NLGN1: variants seen among roughly 807,000 people sequenced by gnomAD.
NLGN1 encodes the protein neuroligin-1.
NLGN1 carries 12 observed loss-of-function variants against 65.5 expected under a neutral mutation model. That is an observed-to-expected ratio of 0.18 (90% CI 0.12 to 0.30). The LOEUF (loss-of-function observed/expected upper bound fraction) is 0.30, where lower values mean the gene tolerates loss of function less well. NLGN1 is among the 10% of genes least tolerant of loss of function. The pLI is 1.00. For synonymous variants in NLGN1, 350 were observed against 359.5 expected, an observed-to-expected ratio of 0.97 and a Z score of 0.30; for missense variants, 750 against 1,007.1, an observed-to-expected ratio of 0.74 and a Z score of 3.46.
chr3:174,233,522 A>T (rs1561350017), intron 4 of NLGN1, among the ~76,000 whole-genome samples: 1 of 129,652 alleles, frequency 7.7e-6, no homozygotes. Flanking sequence ...TAATAATATA[A>T]AAAATAAACA....
At chr3:173,451,682 C>T (rs1302857800) in intron 2 of NLGN1, among the ~76,000 whole-genome samples, 1 of 152,172 alleles carries the variant, frequency 6.6e-6, no homozygotes, top group Non-Finnish European at 1.5e-5. Flanking sequence ...GGCAGGCAGG[C>T]CTCCTTGAGC....
At position 173,960,436 on chromosome 3, in the gene NLGN1, A is replaced by G. The variant is rs187243691; in HGVS notation, c.646+152604A>G. Among the ~76,000 whole-genome samples, 12 of 152,032 alleles carry G rather than the reference A, an allele frequency of 7.9e-5. No homozygotes were observed. The East Asian group carries it at 1.7e-3, about 22-fold the overall frequency. On this transcript the variant is annotated intron_variant, in intron 4 of 6. Coordinates refer to ENST00000457714, the Ensembl canonical transcript of NLGN1. ...GAATTTTTGTTTCTCCTTTGCTCCA[A>G]TGTAACTTTGGGGAGTTCTTTTTCT...
intron 2 of NLGN1, among the ~76,000 whole-genome samples, chr3:173,463,661 T>A: frequency 6.6e-6 from 1 of 152,190 alleles, no homozygotes; most frequent in East Asian, 1.9e-4. Context: ...TCCCTCGGGA[T>A]TCCTGGTATC....
intron 4 of NLGN1, among the ~76,000 whole-genome samples, chr3:173,999,911 C>T (rs954488388): frequency 1.3e-4 from 20 of 151,092 alleles, no homozygotes; most frequent in African/African-American, 3.9e-4. Context: ...TTGCGTTAAA[C>T]AATGTAGTAA....
At chr3:173,969,851 A>G (rs909823042) in intron 4 of NLGN1, among the ~76,000 whole-genome samples, 5 of 152,092 alleles carry the variant, frequency 3.3e-5, no homozygotes, top group African/African-American at 4.8e-5. Context: ...GACTCATTCC[A>G]AGTAATTGCC....
At chr3:173,521,609 AT>A (rs1429457026) in intron 2 of NLGN1, among the ~76,000 whole-genome samples, 1 of 152,182 alleles carries the variant, frequency 6.6e-6, no homozygotes, top group African/African-American at 2.4e-5. Flanking sequence ...ATCTGCTCCC[AT>A]AGAAAGTTTG....
intron 4 of NLGN1, among the ~76,000 whole-genome samples, chr3:173,935,622 ACTCT>A (rs72137673): frequency 0.35 from 36,904 of 106,116 alleles, 4,997 homozygotes; most frequent in Non-Finnish European, 0.42. Context: ...ACACACACAC[ACTCT>A]CTCTCTCTCT....
chr3:174,252,112 T>A (rs1744877480), intron 4 of NLGN1, among the ~76,000 whole-genome samples: 1 of 152,154 alleles, frequency 6.6e-6, no homozygotes, highest in Non-Finnish European at 1.5e-5. Context: ...AATTTCTAGA[T>A]AAAATCAGCA....
intron 4 of NLGN1, among the ~76,000 whole-genome samples, chr3:173,997,700 G>A (rs1722542571): frequency 1.3e-5 from 2 of 152,168 alleles, no homozygotes; most frequent in South Asian, 4.2e-4. Context: ...TAAGGTTCCA[G>A]ATTATATTCT....
intron 4 of NLGN1, among the ~76,000 whole-genome samples, chr3:174,107,009 C>CAG (rs1394529884): frequency 7.6e-5 from 9 of 118,830 alleles, no homozygotes; most frequent in South Asian, 2.8e-4. Context: ...CACACACACA[C>CAG]ACACACACAG....
At chr3:174,060,497 T>G (rs1398872986) in intron 4 of NLGN1, among the ~76,000 whole-genome samples, 1 of 152,114 alleles carries the variant, frequency 6.6e-6, no homozygotes, top group Non-Finnish European at 1.5e-5. Flanking sequence ...AACTTTTCCC[T>G]TTCTTTGTCT....
intron 3 of NLGN1, among the ~76,000 whole-genome samples, chr3:173,664,153 C>A (rs1761373092): frequency 6.6e-6 from 1 of 152,108 alleles, no homozygotes; most frequent in Admixed American, 6.6e-5. Context: ...ATGCACATAT[C>A]TTAGCTAAAA....
At chr3:174,044,663 A>G (rs1003660235) in intron 4 of NLGN1, among the ~76,000 whole-genome samples, 1 of 152,104 alleles carries the variant, frequency 6.6e-6, no homozygotes, top group African/African-American at 2.4e-5. Context: ...ACAAGTCTCT[A>G]GGAAGTTCCA....
chr3:173,977,300 AG>A (rs1165379681), intron 4 of NLGN1, among the ~76,000 whole-genome samples: 2 of 151,780 alleles, frequency 1.3e-5, no homozygotes, highest in African/African-American at 2.4e-5. Context: ...AGCAAATAGG[AG>A]GGGGAAACAT....
intron 4 of NLGN1, among the ~76,000 whole-genome samples, chr3:173,971,560 C>G (rs912973467): frequency 1.3e-5 from 2 of 152,046 alleles, no homozygotes; most frequent in African/African-American, 4.8e-5. Context: ...TGGGGAATAA[C>G]TTTGTAATAG....
chr3:173,802,494 T>C (rs532056777), intron 3 of NLGN1, among the ~76,000 whole-genome samples: 1 of 152,334 alleles, frequency 6.6e-6, no homozygotes, highest in South Asian at 2.1e-4. Context: ...TGAATTCAGA[T>C]ATCCTACAGG....
intron 3 of NLGN1, among the ~76,000 whole-genome samples, chr3:173,697,128 T>C (rs1766339445): frequency 6.6e-6 from 1 of 152,210 alleles, no homozygotes; most frequent in African/African-American, 2.4e-5. Flanking sequence ...TAAATGTTTC[T>C]TTCCAGTTTT....
chr3:173,839,142 A>G (rs968049368), intron 4 of NLGN1, among the ~76,000 whole-genome samples: 9 of 144,320 alleles, frequency 6.2e-5, no homozygotes, highest in Admixed American at 4.9e-4. Context: ...AGGTAACTTC[A>G]CCTTTGGTTA....
chr3:174,114,641 C>T (rs2152627418), intron 4 of NLGN1, among the ~76,000 whole-genome samples: 1 of 152,130 alleles, frequency 6.6e-6, no homozygotes, highest in Admixed American at 6.5e-5. Context: ...TTTGTTAAAT[C>T]TGATTTTGCT....
Sources: allele counts gnomAD v4.1 joint callset (sites outside exome capture counted in the v4.1 genomes callset), GRCh38; gene constraint gnomAD v4.1.1; transcripts MANE v1.5; gene names NCBI Gene and HGNC (gene_info 2026-07-23, HGNC 2026-07-21).